The following PLXDC2 variants were observed in gnomAD, a reference collection of about 807,000 sequenced individuals.
PLXDC2 encodes the protein plexin domain-containing protein 2.
PLXDC2 carries 40 observed loss-of-function variants against 68.9 expected under a neutral mutation model. That is an observed-to-expected ratio of 0.58 (90% confidence interval 0.45 to 0.76). The LOEUF (loss-of-function observed/expected upper bound fraction) is 0.76. Among genes scored for constraint, PLXDC2 ranks in the 30% least tolerant of loss-of-function variants. The pLI, the probability that PLXDC2 is intolerant of heterozygous loss-of-function variation, is 0.00. For missense variants in PLXDC2, 644 were observed against 661.9 expected (o/e 0.97, Z 0.30); for synonymous variants, 243 against 234.2 (o/e 1.04, Z -0.34).
chr10:20,167,554 T>C (rs1834391381), intron 7 of PLXDC2, among the ~76,000 whole-genome samples: 1 of 152,164 alleles, frequency 6.6e-6, no homozygotes, highest in African/African-American at 2.4e-5. Flanking sequence ...TTTGCCTCTG[T>C]TAACTTTTTT....
intron 12 of PLXDC2, among the ~76,000 whole-genome samples, chr10:20,238,687 A>ACACACACACATATATGTG (rs1835471231): frequency 2.0e-5 from 2 of 101,672 alleles, no homozygotes; most frequent in African/African-American, 7.7e-5. Context: ...GTATATATAT[A>ACACACACACATATATGTG]TATATACACA....
In PLXDC2 at chr10:20,030,868, A is replaced by G. The variant is rs140357829; in HGVS notation, c.325-16001A>G. On this transcript the variant is annotated intron_variant, in intron 2 of 13. Coordinates refer to ENST00000377252, the MANE Select transcript of PLXDC2 (RefSeq NM_032812.9). ...CTCTATTTTAGATTTAGGCCCAGTT[A>G]CCAACTTGAGATCTGCCGTGAAGAA... is the stretch of plus-strand genomic sequence containing the variant. Among the ~76,000 whole-genome samples the G allele has an allele frequency of 6.6e-5, 10 of 152,288 alleles. No homozygotes were observed. The East Asian group carries it at 1.9e-3, about 29-fold the overall frequency.
Position 20,152,130 on chromosome 10 carries a change from AT to A in PLXDC2, c.783+4230del, listed in dbSNP as rs200446447. Reference sequence around the variant, plus strand: ...CCTCCAATCCTTTCATGCTGCAAATATTGTCATTTCTTCAATAGCATAATTT... The same window carrying A: ...CCTCCAATCCTTTCATGCTGCAAATATGTCATTTCTTCAATAGCATAATTT... On this transcript the variant is annotated intron_variant, in intron 6 of 13. Coordinates refer to ENST00000377252, the MANE Select transcript of PLXDC2 (RefSeq NM_032812.9). 7.4e-3 allele frequency among the ~76,000 whole-genome samples: 1,126 copies of A among 152,222 alleles called. 7 individuals carry two copies. The highest frequency in any genetic ancestry group is 0.013 in the Non-Finnish European group (851 of 67,958).
At chr10:20,273,720 T>G (rs1183406192) in intron 13 of PLXDC2, among the ~76,000 whole-genome samples, 2 of 152,114 alleles carry the variant, frequency 1.3e-5, no homozygotes, top group East Asian at 1.9e-4. Flanking sequence ...AGGTGGGTAT[T>G]CAGAAAGTTT....
At chr10:19,945,454 C>T (rs976005330) in intron 1 of PLXDC2, among the ~76,000 whole-genome samples, 2 of 152,190 alleles carry the variant, frequency 1.3e-5, no homozygotes, top group African/African-American at 2.4e-5. Context: ...GAATTGGATA[C>T]CATCCTGGCA....
intron 4 of PLXDC2, among the ~76,000 whole-genome samples, chr10:20,099,484 G>C (rs772639987): frequency 6.6e-6 from 1 of 152,020 alleles, no homozygotes. Context: ...AATATTTCAC[G>C]TACTTTCATT....
At chr10:19,908,918 A>C (rs1183862812) in intron 1 of PLXDC2, among the ~76,000 whole-genome samples, 1 of 152,074 alleles carries the variant, frequency 6.6e-6, no homozygotes, top group Non-Finnish European at 1.5e-5. Flanking sequence ...AGACCACCTA[A>C]TTATCCTTAG....
Position 19,817,097 on chromosome 10 carries a change from G to T in PLXDC2, c.18G>T (p.Lys6Asn), listed in dbSNP as rs1006219063. The T allele has an allele frequency of 6.4e-7, 1 of 1,557,456 alleles. No individual in the cohort carries two copies. The highest frequency in any genetic ancestry group is 1.4e-5 in the African/African-American group (1 of 73,296). MARFP[K>N]ADLAAAGVML... ...GCGGCGGCATGGCGAGGTTCCCGAA[G>T]GCCGACCTGGCCGCTGCAGGAGTTA... The change falls in exon 1 of 14, where the codon AAG (lysine) becomes AAT (asparagine). Residue 6 changes from lysine to asparagine, a missense_variant. Physicochemically the swap from Lys to Asn is moderately conservative, Grantham distance 94. Around this residue, in one of 3 missense-constraint regions of PLXDC2, gnomAD observed 201 missense variants for 166.9 expected, o/e 1.20. Transcript: ENST00000377252.
At chr10:19,995,543 C>T (rs955507842) in intron 1 of PLXDC2, among the ~76,000 whole-genome samples, 9 of 152,158 alleles carry the variant, frequency 5.9e-5, no homozygotes, top group African/African-American at 2.2e-4. Flanking sequence ...CAGCATAAAT[C>T]CCATTGTTTG....
chr10:20,121,267 T>C (rs144952719), intron 4 of PLXDC2, among the ~76,000 whole-genome samples: 4 of 152,280 alleles, frequency 2.6e-5, no homozygotes, highest in Admixed American at 6.5e-5. Context: ...GGAGACATGA[T>C]GGCTAGGCTA....
At chr10:20,279,223 G>A (rs1836048969) in intron 13 of PLXDC2, among the ~76,000 whole-genome samples, 1 of 152,058 alleles carries the variant, frequency 6.6e-6, no homozygotes, top group Non-Finnish European at 1.5e-5. Flanking sequence ...AGGAAGTCTG[G>A]TGCCTAATTG....
intron 3 of PLXDC2, among the ~76,000 whole-genome samples, chr10:20,061,490 G>A (rs1407359753): frequency 6.6e-6 from 1 of 152,100 alleles, no homozygotes; most frequent in Non-Finnish European, 1.5e-5. Context: ...TCTCATTAGT[G>A]GTGAGGTTAA....
chr10:19,958,010 G>T (rs1300477523), intron 1 of PLXDC2, among the ~76,000 whole-genome samples: 2 of 151,956 alleles, frequency 1.3e-5, no homozygotes, highest in East Asian at 3.9e-4. Context: ...TTTTGAGATT[G>T]TCTGACTTAG....
At chr10:20,130,726 T>C (rs981421377) in intron 4 of PLXDC2, among the ~76,000 whole-genome samples, 4 of 152,206 alleles carry the variant, frequency 2.6e-5, no homozygotes, top group African/African-American at 9.6e-5. Context: ...TGTCAAATGC[T>C]TTTTTGCATA....
chr10:19,937,812 G>A (rs1052387315), intron 1 of PLXDC2, among the ~76,000 whole-genome samples: 6 of 151,900 alleles, frequency 3.9e-5, no homozygotes, highest in African/African-American at 1.5e-4. Context: ...CTGGTCAGAT[G>A]GACATATGAG....
At chr10:20,269,723 A>G (rs1835911720) in intron 13 of PLXDC2, among the ~76,000 whole-genome samples, 1 of 152,106 alleles carries the variant, frequency 6.6e-6, no homozygotes, top group Admixed American at 6.5e-5. Context: ...TGTAATAAAG[A>G]AGTAGGTGTT....
chr10:20,224,596 T>C (rs1331983001), intron 12 of PLXDC2, among the ~76,000 whole-genome samples: 1 of 152,148 alleles, frequency 6.6e-6, no homozygotes, highest in African/African-American at 2.4e-5. Flanking sequence ...GTTGAATCAA[T>C]GGCAGGATTT....
intron 4 of PLXDC2, among the ~76,000 whole-genome samples, chr10:20,128,837 G>T (rs1833827435): frequency 6.6e-6 from 1 of 152,104 alleles, no homozygotes; most frequent in Non-Finnish European, 1.5e-5. Flanking sequence ...AGGCTGAATA[G>T]TATTCCATTT....
At chr10:20,021,493 A>T (rs140329385) in intron 2 of PLXDC2, among the ~76,000 whole-genome samples, 69 of 151,984 alleles carry the variant, frequency 4.5e-4, no homozygotes, top group East Asian at 7.8e-4. Flanking sequence ...TAATTGATTA[A>T]ATTGTTTTAC....
Sources: gnomAD v4.1 joint callset for allele counts (sites outside exome capture counted in the v4.1 genomes callset) on GRCh38, gnomAD v4.1.1 for gene constraint, gnomAD v4.1.1 regional missense constraint, MANE v1.5 for transcripts, NCBI Gene and HGNC (gene_info 2026-07-23, HGNC 2026-07-21) for gene names.